CNTN4: variants seen among roughly 807,000 people sequenced by gnomAD.
The protein encoded by CNTN4 is contactin-4.
Under a neutral mutation model 122.5 loss-of-function variants are expected in CNTN4, and 77 were observed. That is an observed-to-expected ratio of 0.63 (90% CI 0.52 to 0.76). The LOEUF is 0.76. Ranked by LOEUF, CNTN4 falls within the 30% of genes least tolerant of loss-of-function variation. The pLI, the probability that CNTN4 is intolerant of heterozygous loss-of-function variation, is 0.00. For synonymous variants in CNTN4, 512 were observed against 447.0 expected (o/e 1.15, Z -1.83); for missense variants, 1,256 against 1,259.1 (o/e 1.00, Z 0.04).
At chr3:2,308,128 A>T (rs528099666) in intron 2 of CNTN4, among the ~76,000 whole-genome samples, 1 of 152,038 alleles carries the variant, frequency 6.6e-6, no homozygotes, top group Admixed American at 6.6e-5. Context: ...AAATTTCAGT[A>T]GTTTTTGTCT....
At chr3:2,663,212 ATC>A (rs2083989041) in intron 4 of CNTN4, among the ~76,000 whole-genome samples, 1 of 152,218 alleles carries the variant, frequency 6.6e-6, no homozygotes, top group African/African-American at 2.4e-5. Flanking sequence ...TTATTAAAGA[ATC>A]TAAAAATCAT....
chr3:2,401,281 G>A (rs1429558126), intron 3 of CNTN4, among the ~76,000 whole-genome samples: 1 of 152,108 alleles, frequency 6.6e-6, no homozygotes, highest in Non-Finnish European at 1.5e-5. Context: ...AGGTCAGAGA[G>A]CCTGCTAGGG....
At chr3:2,508,521 G>A (rs897419610) in intron 3 of CNTN4, among the ~76,000 whole-genome samples, 3 of 152,160 alleles carry the variant, frequency 2.0e-5, no homozygotes, top group African/African-American at 7.2e-5. Flanking sequence ...GAGGTTTTGA[G>A]CTGTATTTAG....
intron 4 of CNTN4, among the ~76,000 whole-genome samples, chr3:2,702,942 G>C (rs560858219): frequency 6.6e-6 from 1 of 152,318 alleles, no homozygotes; most frequent in Non-Finnish European, 1.5e-5. Flanking sequence ...GTAAGACCCA[G>C]TTATCTTGGT....
At chr3:2,965,815 T>G (rs1455520338) in intron 13 of CNTN4, among the ~76,000 whole-genome samples, 2 of 152,110 alleles carry the variant, frequency 1.3e-5, no homozygotes, top group Non-Finnish European at 2.9e-5. Context: ...AGCTACCACC[T>G]TTTCTGCATG....
At chr3:2,455,484 T>C (rs971013151) in intron 3 of CNTN4, among the ~76,000 whole-genome samples, 8 of 152,064 alleles carry the variant, frequency 5.3e-5, no homozygotes, top group Admixed American at 3.3e-4. Context: ...TTTTTCTTTT[T>C]TTTAAGGGGA....
Position 2,586,388 on chromosome 3 carries a change from G to A in CNTN4, c.55+14830G>A, listed in dbSNP as rs371537782. Among the ~76,000 whole-genome samples, 14 of 152,288 alleles carry A rather than the reference G, an allele frequency of 9.2e-5. No homozygotes were observed. In the East Asian group the frequency reaches 9.6e-4, roughly 10 times the overall value. On this transcript the variant is annotated intron_variant, in intron 4 of 24. Transcript: ENST00000418658. Reference sequence around the variant, plus strand: ...GCTCACTGCAACTTCTGCCTCCCACGTTCAAGCGATTCTCCTGCCTCAGCC... The same window carrying A: ...GCTCACTGCAACTTCTGCCTCCCACATTCAAGCGATTCTCCTGCCTCAGCC...
At chr3:2,237,453 A>G (rs1032227988) in intron 2 of CNTN4, among the ~76,000 whole-genome samples, 1 of 152,166 alleles carries the variant, frequency 6.6e-6, no homozygotes, top group African/African-American at 2.4e-5. Flanking sequence ...AGACTCAGCG[A>G]CAGAGCAAGA....
At chr3:2,751,920 G>A (rs1380852576) in intron 6 of CNTN4, among the ~76,000 whole-genome samples, 1 of 152,030 alleles carries the variant, frequency 6.6e-6, no homozygotes, top group African/African-American at 2.4e-5. Flanking sequence ...ATCAAATGTC[G>A]TTAATTGTTC....
intron 2 of CNTN4, among the ~76,000 whole-genome samples, chr3:2,161,931 CG>C (rs1187941196): frequency 6.6e-6 from 1 of 152,090 alleles, no homozygotes; most frequent in Admixed American, 6.5e-5. Flanking sequence ...TAATCTGCTC[CG>C]TTCTTTGACA....
chr3:2,426,454 T>C (rs1440313294), intron 3 of CNTN4, among the ~76,000 whole-genome samples: 1 of 152,230 alleles, frequency 6.6e-6, no homozygotes, highest in Non-Finnish European at 1.5e-5. Context: ...TTTGATGTGC[T>C]GCTGGATTCG....
chr3:2,564,696 G>C (rs2079086386), intron 3 of CNTN4, among the ~76,000 whole-genome samples: 3 of 152,072 alleles, frequency 2.0e-5, no homozygotes, highest in Non-Finnish European at 1.5e-5. Context: ...AAATATCACT[G>C]TGATTATTGA....
At chr3:2,108,765 A>G (rs1368803956) in intron 2 of CNTN4, among the ~76,000 whole-genome samples, 1 of 152,222 alleles carries the variant, frequency 6.6e-6, no homozygotes, top group Admixed American at 6.5e-5. Context: ...TGATGGACAC[A>G]TCTATAACAT....
intron 3 of CNTN4, among the ~76,000 whole-genome samples, chr3:2,450,675 G>A (rs1297746844): frequency 6.6e-6 from 1 of 152,106 alleles, no homozygotes; most frequent in African/African-American, 2.4e-5. Flanking sequence ...TTTATTAATA[G>A]AGACTGAATA....
intron 4 of CNTN4, among the ~76,000 whole-genome samples, chr3:2,574,657 A>G (rs1259885885): frequency 6.6e-6 from 1 of 152,146 alleles, no homozygotes; most frequent in Non-Finnish European, 1.5e-5. Context: ...TTTAAACTCA[A>G]GATCATAAAA....
chr3:2,310,906 A>C (rs1183512284), intron 2 of CNTN4, among the ~76,000 whole-genome samples: 1 of 152,162 alleles, frequency 6.6e-6, no homozygotes, highest in Non-Finnish European at 1.5e-5. Flanking sequence ...ATAGCTATTC[A>C]ACCTGTCTTT....
At chr3:2,996,168 T>A (rs1695516161) in intron 14 of CNTN4, among the ~76,000 whole-genome samples, 1 of 152,164 alleles carries the variant, frequency 6.6e-6, no homozygotes, top group African/African-American at 2.4e-5. Context: ...AATATCTGTT[T>A]GGGTAAATTT....
intron 4 of CNTN4, among the ~76,000 whole-genome samples, chr3:2,597,889 G>A (rs114560357): frequency 3.5e-4 from 53 of 152,248 alleles, no homozygotes; most frequent in African/African-American, 1.3e-3. Context: ...TGAACAATCT[G>A]TATGTAGGAG....
Position 2,866,934 on chromosome 3 carries a change from A to G in CNTN4, c.637A>G (p.Ile213Val). 2 of 1,613,734 alleles carry G rather than the reference A, an allele frequency of 1.2e-6. No homozygotes were observed. The highest frequency in any genetic ancestry group is 1.7e-6 in the Non-Finnish European group (2 of 1,179,698). Residue 213 changes from isoleucine (I) to valine (V), a missense_variant, in exon 8 of 25, where the codon ATA becomes GTA. By Grantham distance (29) the Ile-to-Val change is conservative. Coordinates refer to ENST00000418658, the MANE Select transcript of CNTN4 (RefSeq NM_175607.3). ...GGTCCTGGGGCCACCTACACCACTA[A>G]TATTGAGAAATGATGGTGAGTTTTC... ...HKVLGPPTPL[I>V]LRNDGVMGEY...
Sources: allele counts gnomAD v4.1 joint callset (sites outside exome capture counted in the v4.1 genomes callset), GRCh38; gene constraint gnomAD v4.1.1; transcripts MANE v1.5; gene names NCBI Gene and HGNC (gene_info 2026-07-23, HGNC 2026-07-21).